Variants in PARD3 observed in about 807,000 individuals in gnomAD.
The protein encoded by PARD3 is partitioning defective 3 homolog.
In PARD3, 75 loss-of-function variants were observed where a neutral mutation model predicts 155.4. The ratio of observed to expected loss-of-function variants is 0.48; its 90% CI spans 0.40 to 0.58. PARD3 has a LOEUF of 0.58. Among genes scored for constraint, PARD3 ranks in the 20% least tolerant of loss-of-function variants. PARD3 has a pLI of 0.00. For synonymous variants in PARD3, 576 were observed against 610.5 expected (o/e 0.94, Z 0.83); for missense variants, 1,642 against 1,721.7 (o/e 0.95, Z 0.82).
intron 22 of PARD3, among the ~76,000 whole-genome samples, chr10:34,258,863 T>C (rs932830708): frequency 5.9e-5 from 9 of 151,948 alleles, no homozygotes; most frequent in African/African-American, 2.2e-4. Context: ...CAAGGCAGTA[T>C]AGCAAGACCC....
intron 2 of PARD3, among the ~76,000 whole-genome samples, chr10:34,555,511 A>C (rs753618792): frequency 6.6e-6 from 1 of 152,200 alleles, no homozygotes; most frequent in Non-Finnish European, 1.5e-5. Flanking sequence ...AACAAAACAA[A>C]ACAAAAGAAG....
chr10:34,247,741 C>T (rs1954049817), intron 22 of PARD3, among the ~76,000 whole-genome samples: 1 of 152,124 alleles, frequency 6.6e-6, no homozygotes, highest in Non-Finnish European at 1.5e-5. Context: ...ATACTGGTTA[C>T]ATTGTTTCAT....
In PARD3 at chr10:34,236,214, T is replaced by C. The variant is rs368865129; in HGVS notation, c.3419+33443A>G. On this transcript the variant is annotated intron_variant, in intron 22 of 24. Coordinates refer to ENST00000374788, the MANE Select transcript of PARD3 (RefSeq NM_001184785.2). ...GAGAGATGATGACTAAATTTCACAA[T>C]CTACACAGCCTACTGTCTGTCCAGT... 2.0e-5 allele frequency among the ~76,000 whole-genome samples: 3 copies of C among 152,302 alleles called. No homozygotes were observed. In the East Asian group the frequency reaches 5.8e-4, roughly 29 times the overall value.
chr10:34,383,744 A>G (rs1842082002), intron 8 of PARD3, among the ~76,000 whole-genome samples: 1 of 152,214 alleles, frequency 6.6e-6, no homozygotes, highest in South Asian at 2.1e-4. Flanking sequence ...GTGTATCTGA[A>G]TACAACCTCA....
intron 2 of PARD3, among the ~76,000 whole-genome samples, chr10:34,606,170 G>C (rs1399887745): frequency 2.4e-5 from 1 of 41,696 alleles, no homozygotes; most frequent in East Asian, 6.2e-4. Context: ...GTGTGTGTGT[G>C]TGTGTGTGTG....
At chr10:34,692,869 A>G (rs12254240) in intron 2 of PARD3, among the ~76,000 whole-genome samples, 47,194 of 152,176 alleles carry the variant, frequency 0.31, 7,927 homozygotes, top group Non-Finnish European at 0.38. Context: ...GCGAGACTCC[A>G]TCTCAAAACA....
At chr10:34,168,051 GT>G (rs36095176) in intron 22 of PARD3, among the ~76,000 whole-genome samples, 79,967 of 151,742 alleles carry the variant, frequency 0.53, 21,316 homozygotes, top group African/African-American at 0.58. Context: ...GCTTAATATG[GT>G]TTTTTTCTTT....
chr10:34,679,034 G>A (rs1382265099), intron 2 of PARD3, among the ~76,000 whole-genome samples: 2 of 151,972 alleles, frequency 1.3e-5, no homozygotes, highest in African/African-American at 4.8e-5. Context: ...ATCCTCAACA[G>A]CACAGACTTC....
chr10:34,415,695 A>G lies in PARD3; in HGVS notation c.715-13778T>C, dbSNP rs34960639. Among the ~76,000 whole-genome samples the G allele has an allele frequency of 4.9e-3, 744 of 152,298 alleles. 4 individuals are homozygous for G. The highest frequency in any genetic ancestry group is 6.7e-3 in the Non-Finnish European group (454 of 68,018). ...CCGGTATGGCACCTCAGTGGGATTA[A>G]GGAAAGGAGACACTTGGAGGGGACA... On this transcript the variant is annotated intron_variant, in intron 5 of 24. Transcript: ENST00000374788.
chr10:34,682,651 G>A (rs560878718), intron 2 of PARD3, among the ~76,000 whole-genome samples: 5 of 152,282 alleles, frequency 3.3e-5, no homozygotes, highest in Admixed American at 3.3e-4. Flanking sequence ...GAGCCCGGGT[G>A]TTGGAGGCTG....
intron 23 of PARD3, among the ~76,000 whole-genome samples, chr10:34,129,736 C>A (rs1406658010): frequency 5.9e-5 from 8 of 135,468 alleles, no homozygotes; most frequent in African/African-American, 2.0e-4. Flanking sequence ...GGTCTCACTG[C>A]AGTCCCAACC....
At position 34,111,020 on chromosome 10, in the gene PARD3, T is replaced by A; in HGVS notation, c.*149A>T. 1 of 797,948 alleles carries A rather than the reference T, an allele frequency of 1.3e-6. No homozygotes were observed. Among genetic ancestry groups the A allele is most frequent in the Non-Finnish European group, 1.9e-6 (1 of 520,738 alleles). The allele number at this position is 797,948 out of a possible 1,614,324, so 49.4% of individuals were successfully genotyped here. Reference sequence around the variant, plus strand: ...GTGGCAAAGACATTAAGGCCTTCCATTTCTTTGCCTACACCGCTTAAAGGC... The same window carrying A: ...GTGGCAAAGACATTAAGGCCTTCCAATTCTTTGCCTACACCGCTTAAAGGC... On this transcript the variant is annotated 3_prime_UTR_variant, in exon 25 of 25. Coordinates refer to ENST00000374788, the MANE Select transcript of PARD3 (RefSeq NM_001184785.2).
chr10:34,188,458 C>A (rs115944472), intron 22 of PARD3, among the ~76,000 whole-genome samples: 205 of 152,232 alleles, frequency 1.3e-3, no homozygotes, highest in African/African-American at 4.7e-3. Flanking sequence ...CTAAGGAATG[C>A]ACTTCTGATG....
intron 20 of PARD3, among the ~76,000 whole-genome samples, chr10:34,295,352 T>C (rs1182292084): frequency 1.3e-5 from 2 of 152,160 alleles, no homozygotes; most frequent in Non-Finnish European, 2.9e-5. Flanking sequence ...TTTGACCAAA[T>C]AGTTCAACAA....
chr10:34,666,796 A>AAAAAAATATATATAT (rs1358640964), intron 2 of PARD3, among the ~76,000 whole-genome samples: 1 of 66,930 alleles, frequency 1.5e-5, no homozygotes. Flanking sequence ...AAAAAAAAAA[A>AAAAAAATATATATAT]ATATATATAT....
intron 2 of PARD3, among the ~76,000 whole-genome samples, chr10:34,621,115 C>T (rs1055271174): frequency 1.1e-4 from 17 of 152,076 alleles, no homozygotes; most frequent in Non-Finnish European, 2.1e-4. Flanking sequence ...CTAAGGTTTG[C>T]GCAGAAAAAG....
intron 1 of PARD3, among the ~76,000 whole-genome samples, chr10:34,724,108 A>G (rs1331999831): frequency 1.3e-5 from 2 of 152,244 alleles, no homozygotes; most frequent in Non-Finnish European, 1.5e-5. Flanking sequence ...GCACAGGGAC[A>G]GTATATACAT....
intron 22 of PARD3, among the ~76,000 whole-genome samples, chr10:34,201,606 T>G (rs1951215549): frequency 6.6e-6 from 1 of 152,216 alleles, no homozygotes; most frequent in Non-Finnish European, 1.5e-5. Flanking sequence ...TAAAATTTTA[T>G]CTTTAAATTA....
chr10:34,363,838 C>A (rs1315697465), intron 12 of PARD3, among the ~76,000 whole-genome samples: 1 of 152,148 alleles, frequency 6.6e-6, no homozygotes, highest in Non-Finnish European at 1.5e-5. Context: ...AGCAACAAAG[C>A]CTGTCAGTTC....
Sources: allele counts gnomAD v4.1 joint callset (sites outside exome capture counted in the v4.1 genomes callset), GRCh38; gene constraint gnomAD v4.1.1; transcripts MANE v1.5; gene names NCBI Gene and HGNC (gene_info 2026-07-23, HGNC 2026-07-21).